Variants in KCNQ2 observed in about 807,000 individuals in gnomAD.
KCNQ2 encodes the protein potassium voltage-gated channel subfamily KQT member 2.
In KCNQ2, 14 loss-of-function variants were observed where a neutral mutation model predicts 84.8. That is an observed-to-expected ratio of 0.17 (90% CI 0.11 to 0.26). The LOEUF is 0.26. Among genes scored for constraint, KCNQ2 ranks in the 10% least tolerant of loss-of-function variants. The pLI is 1.00. For missense variants in KCNQ2, 788 were observed against 1,254.0 expected (o/e 0.63, Z 5.61); for synonymous variants, 599 against 554.1 (o/e 1.08, Z -1.14).
At chr20:63,418,387 C>A (rs375473094) in intron 12 of KCNQ2, among the ~76,000 whole-genome samples, 1 of 152,232 alleles carries the variant, frequency 6.6e-6, no homozygotes, top group African/African-American at 2.4e-5. Context: ...TTCAGATGTG[C>A]GGTGCCCGCA....
chr20:63,442,315 G>T, intron 5 of KCNQ2, 91 bp downstream of exon 5: 1 of 1,433,278 alleles, frequency 7.0e-7, no homozygotes, highest in Non-Finnish European at 9.4e-7. Context: ...AGAGATGTAT[G>T]GAGCAGGCTC....
chr20:63,428,050 C>T (rs927515633), intron 10 of KCNQ2, among the ~76,000 whole-genome samples: 3 of 152,182 alleles, frequency 2.0e-5, no homozygotes, highest in African/African-American at 4.8e-5. Context: ...GAGAGGACGA[C>T]GGGCTGGGAC....
chr20:63,415,297 G>A (rs988998702), intron 12 of KCNQ2, among the ~76,000 whole-genome samples, 171 bp from the exon 13 acceptor site: 6 of 149,428 alleles, frequency 4.0e-5, no homozygotes, highest in East Asian at 2.0e-4. Context: ...CACGGGGACC[G>A]AGCACCCGGC....
chr20:63,435,168 C>G (rs6090419), intron 7 of KCNQ2, among the ~76,000 whole-genome samples: 13,926 of 152,174 alleles, frequency 0.092, 1,432 homozygotes, highest in East Asian at 0.53. Context: ...GCAGGTGGAT[C>G]GCCTGAGCCC....
At chr20:63,469,191 C>T (rs576973898) in intron 1 of KCNQ2, among the ~76,000 whole-genome samples, 59 of 152,300 alleles carry the variant, frequency 3.9e-4, no homozygotes, top group African/African-American at 1.3e-3. Flanking sequence ...CCCAGAGTCC[C>T]CTGCGGCAGC....
In KCNQ2 at chr20:63,461,254, A is replaced by G. The variant is rs80091257; in HGVS notation, c.296+10914T>C. ...CGCCGCTCAGGCCAAGGCCCCCCCA[A>G]CTTTCTTCACGTGATCTTAACTCAG... is the stretch of plus-strand genomic sequence containing the variant. On this transcript the variant is annotated intron_variant, in intron 1 of 16. Transcript: ENST00000359125. Among the ~76,000 whole-genome samples, 34 of 152,254 alleles carry G rather than the reference A, an allele frequency of 2.2e-4. 1 individual carries two copies. The East Asian group carries it at 6.0e-3, about 27-fold the overall frequency.
chr20:63,408,331 C>T lies in KCNQ2; in HGVS notation c.1887+82G>A. 6.4e-7 allele frequency: 1 copy of T among 1,556,022 alleles called. No individual in the cohort carries two copies. The highest frequency in any genetic ancestry group is 1.4e-5 in the African/African-American group (1 of 74,006). The stretch of plus-strand genomic sequence containing the variant: ...TGAGGAGCCCTCCGTGGCACCCAGC[C>T]CCTGAAGCCCACACTGCCACAGGTT... On this transcript the variant is annotated intron_variant, in intron 16 of 16. Coordinates refer to ENST00000359125, the MANE Select transcript of KCNQ2 (RefSeq NM_172107.4). The surrounding 1 kb of genome is among the most constrained non-coding windows in gnomAD (Gnocchi z 5.0).
intron 11 of KCNQ2, 48 bp downstream of exon 11, chr20:63,424,129 A>G: frequency 6.5e-7 from 1 of 1,548,272 alleles, no homozygotes; most frequent in Non-Finnish European, 8.7e-7. Context: ...GAGAGACCAG[A>G]CGGCCGTGCA....
intron 15 of KCNQ2, among the ~76,000 whole-genome samples, chr20:63,409,221 G>A (rs1482136593): frequency 1.3e-5 from 2 of 152,300 alleles, no homozygotes; most frequent in Middle Eastern, 3.4e-3. Context: ...GTGTGCACTC[G>A]ATGTGCATGT....
Position 63,401,811 on chromosome 20 carries a change from T to C in KCNQ2, c.*4833A>G, listed in dbSNP as rs6090404. 0.13 allele frequency: 21,200 copies of C among 161,050 alleles called. 1,545 individuals are homozygous for C. Among genetic ancestry groups the C allele is most frequent in the African/African-American group, 0.25 (9,430 of 37,014 alleles). The allele number at this position is 161,050 out of a possible 1,614,324, so 10.0% of individuals were successfully genotyped here. A position where few individuals can be genotyped will look rare whatever the true frequency, so the allele number is the denominator to read the frequency against. ...CACAGCAGGTCCAAGCCTCGTGAGC[T>C]GTCCCTCTCACACCACGTCTGCTGG... On this transcript the variant is annotated 3_prime_UTR_variant, in exon 17 of 17. Transcript: ENST00000359125.
chr20:63,419,725 C>T (rs539011892), intron 11 of KCNQ2, 53 bp from the exon 12 acceptor site: 25 of 1,527,092 alleles, frequency 1.6e-5, no homozygotes, highest in Middle Eastern at 1.7e-4. Flanking sequence ...AGCACACGGC[C>T]GGGAGCAGGG....
At chr20:63,452,705 C>A (rs572318191) in intron 1 of KCNQ2, among the ~76,000 whole-genome samples, 1 of 152,336 alleles carries the variant, frequency 6.6e-6, no homozygotes, top group South Asian at 2.1e-4. Context: ...TGCTGAAGGA[C>A]AGTGGTGGGG....
At chr20:63,424,900 G>A (rs563867512) in intron 10 of KCNQ2, among the ~76,000 whole-genome samples, 5 of 152,212 alleles carry the variant, frequency 3.3e-5, no homozygotes, top group South Asian at 2.1e-4. Flanking sequence ...CTGGTGCCCC[G>A]GCTGGTACGC....
At chr20:63,412,169 C>T in intron 15 of KCNQ2, 1 of 382,976 alleles carries the variant, frequency 2.6e-6, no homozygotes, top group South Asian at 3.2e-5. Flanking sequence ...GTGCCCGCAG[C>T]AGGAGCCGGT....
intron 10 of KCNQ2, among the ~76,000 whole-genome samples, chr20:63,424,871 T>A (rs543555962): frequency 7.7e-4 from 117 of 152,312 alleles, no homozygotes; most frequent in Admixed American, 9.8e-4. Context: ...GCCCCAGCGA[T>A]CTCATTCGAA....
rs555078013 is a variant in KCNQ2, at chr20:63,408,713, G to A, written c.1764-177C>T. Among the ~76,000 whole-genome samples, 18 of 152,338 alleles carry A rather than the reference G, an allele frequency of 1.2e-4. No individual in the cohort carries two copies. The highest frequency in any genetic ancestry group is 3.8e-4 in the African/African-American group (16 of 41,572). ...ACGGGGTGCGCCCCGTTCTCAGCCC[G>A]TCTTCTGGCACCGTGAGGTTCTGCT... is the stretch of plus-strand genomic sequence containing the variant. On this transcript the variant is annotated intron_variant, in intron 15 of 16. Transcript: ENST00000359125. This position sits in a 1 kb window ranked among gnomAD's most constrained non-coding sequence, Gnocchi z 5.0.
chr20:63,470,560 G>T (rs1038288193), intron 1 of KCNQ2, among the ~76,000 whole-genome samples: 5 of 152,236 alleles, frequency 3.3e-5, no homozygotes, highest in Admixed American at 2.0e-4. Flanking sequence ...TGACCCAACG[G>T]GAAACCTCAG....
At chr20:63,433,490 C>A (rs1323033806) in intron 8 of KCNQ2, 2 of 564,518 alleles carry the variant, frequency 3.5e-6, no homozygotes, top group Non-Finnish European at 6.3e-6. Context: ...GCTGTCGGTC[C>A]AGAGCAGCCC....
chr20:63,452,429 C>T (rs1040213520), intron 1 of KCNQ2, among the ~76,000 whole-genome samples: 9 of 152,216 alleles, frequency 5.9e-5, no homozygotes, highest in African/African-American at 2.2e-4. Context: ...GCTGCTGGGA[C>T]GACGCCCACC....
Sources: gnomAD v4.1 joint callset for allele counts (sites outside exome capture counted in the v4.1 genomes callset) on GRCh38, gnomAD v4.1.1 for gene constraint, Gnocchi (gnomAD v3.1) non-coding constraint, MANE v1.5 for transcripts, NCBI Gene and HGNC (gene_info 2026-07-23, HGNC 2026-07-21) for gene names.